KIF20B: variants seen among roughly 807,000 people sequenced by gnomAD.
KIF20B encodes kinesin-like protein KIF20B.
A neutral mutation model predicts 232.5 loss-of-function variants in KIF20B; 188 were observed. The observed-to-expected ratio is 0.81, with a 90% CI of 0.72 to 0.91. The LOEUF (loss-of-function observed/expected upper bound fraction) is 0.91. Ranked by LOEUF, KIF20B falls within the 40% of genes least tolerant of loss-of-function variation. KIF20B has a pLI of 0.00. For synonymous variants in KIF20B, 712 were observed against 683.0 expected (o/e 1.04, Z -0.66); for missense variants, 2,154 against 2,055.9 (o/e 1.05, Z -0.92).
chr10:89,753,676 A>G (rs1303192303), intron 25 of KIF20B, among the ~76,000 whole-genome samples: 16 of 152,120 alleles, frequency 1.1e-4, no homozygotes, highest in Admixed American at 9.2e-4. Context: ...GCTGGAGTGC[A>G]GTGACGTGAT....
At chr10:89,764,821 G>T (rs1299239632) in intron 29 of KIF20B, among the ~76,000 whole-genome samples, 1 of 151,888 alleles carries the variant, frequency 6.6e-6, no homozygotes, top group Non-Finnish European at 1.5e-5. Context: ...AGTAGGTTGC[G>T]AAAATTTTCT....
intron 1 of KIF20B, among the ~76,000 whole-genome samples, chr10:89,704,387 T>TTA (rs1842678650): frequency 6.6e-6 from 1 of 152,196 alleles, no homozygotes; most frequent in Admixed American, 6.5e-5. Flanking sequence ...AGTTTACCTT[T>TTA]TAGTTTAGTG....
chr10:89,737,969 G>A lies in KIF20B; in HGVS notation c.3128G>A (p.Arg1043Gln), dbSNP rs371655633. The stretch of plus-strand genomic sequence containing the variant: ...GTAAGTAAGCAAGTTAAAGAATATC[G>A]AATTCAAGAACCCAATAGGGAAAAT... ...YLVSKQVKEY[R>Q]IQEPNRENSF... The change falls in exon 20 of 33, where the codon CGA (arginine) becomes CAA (glutamine). Residue 1043 changes from arginine to glutamine, a missense_variant. Transcript: ENST00000371728. 3.1e-6 allele frequency: 5 copies of A among 1,612,924 alleles called. No homozygotes were observed. The highest frequency in any genetic ancestry group is 2.2e-5 in the East Asian group (1 of 44,790).
At chr10:89,744,288 C>A (rs1280353030) in intron 22 of KIF20B, among the ~76,000 whole-genome samples, 2 of 152,074 alleles carry the variant, frequency 1.3e-5, no homozygotes, top group African/African-American at 2.4e-5. Flanking sequence ...CTTTGGTATT[C>A]TTTCCCTAAA....
chr10:89,750,832 G>T (rs1842007298), intron 23 of KIF20B, among the ~76,000 whole-genome samples: 2 of 152,116 alleles, frequency 1.3e-5, no homozygotes, highest in South Asian at 4.2e-4. Flanking sequence ...ATTTAAAATA[G>T]AAACAAATAT....
rs1179750971 is a variant in KIF20B, at chr10:89,752,646, C to T, written c.4302C>T (p.Asn1434=). 2 of 1,599,026 alleles carry T rather than the reference C, an allele frequency of 1.3e-6. No homozygotes were observed. The highest frequency in any genetic ancestry group is 4.6e-5 in the East Asian group (2 of 43,642). The change falls in exon 25 of 33, where the codon AAC becomes AAT. Residue 1434 remains asparagine, a synonymous_variant. Coordinates refer to ENST00000371728, the MANE Select transcript of KIF20B (RefSeq NM_001284259.2). Reference sequence around the variant, plus strand: ...GGTCAAATAAAGAACATGAGAACAACACAGATGTGCTTGGAAAGCTCACTA... The same window carrying T: ...GGTCAAATAAAGAACATGAGAACAATACAGATGTGCTTGGAAAGCTCACTA... The part of the protein sequence containing the change: ...NQRSNKEHEN[N]TDVLGKLTNL...
chr10:89,726,364 A>C lies in KIF20B; in HGVS notation c.2073A>C (p.Lys691Asn). The part of the protein sequence containing the change: ...SLQDNVADIK[K>N]QAEIAHLYIA... ...AAGATAATGTTGCTGATATTAAGAA[A>C]CAGGCTGAAATTGCTCACTTATATA... Residue 691 changes from lysine to asparagine, a missense_variant, in exon 16 of 33, where the codon AAA becomes AAC. Physicochemically the swap from Lys to Asn is moderately conservative, Grantham distance 94. Coordinates refer to ENST00000371728, the MANE Select transcript of KIF20B (RefSeq NM_001284259.2). 6.4e-7 allele frequency: 1 copy of C among 1,559,148 alleles called. No homozygotes were observed. Among genetic ancestry groups the C allele is most frequent in the Non-Finnish European group, 8.7e-7 (1 of 1,150,078 alleles).
intron 18 of KIF20B, among the ~76,000 whole-genome samples, chr10:89,732,120 T>TC (rs1373801132): frequency 2.1e-5 from 3 of 144,384 alleles, no homozygotes; most frequent in African/African-American, 8.3e-5. Flanking sequence ...CTCTCTCAGC[T>TC]CCCCCACTTT....
rs780296597 is a variant in KIF20B, at chr10:89,737,965, T to C, written c.3124T>C (p.Tyr1042His). ...DYLVSKQVKEYRIQEPNRENS... is the reference protein window; with the variant it reads ...DYLVSKQVKEHRIQEPNRENS... Reference sequence around the variant, plus strand: ...TTTGGTAAGTAAGCAAGTTAAAGAATATCGAATTCAAGAACCCAATAGGGA... The same window carrying C: ...TTTGGTAAGTAAGCAAGTTAAAGAACATCGAATTCAAGAACCCAATAGGGA... The change falls in exon 20 of 33, where the codon TAT becomes CAT. Residue 1042 changes from tyrosine to histidine, a missense_variant. Transcript: ENST00000371728. 6.2e-7 allele frequency: 1 copy of C among 1,613,150 alleles called. No homozygotes were observed. Among genetic ancestry groups the C allele is most frequent in the East Asian group, 2.2e-5 (1 of 44,810 alleles).
chr10:89,757,040 G>GTGTGTGTGTGTGTATATATATATA (rs1301847520), intron 26 of KIF20B, among the ~76,000 whole-genome samples: 7 of 110,752 alleles, frequency 6.3e-5, no homozygotes, highest in African/African-American at 2.3e-4. Context: ...GTGTGTGTGT[G>GTGTGTGTGTGTGTATATATATATA]TATATATATA....
At chr10:89,733,227 G>A (rs551553600) in intron 19 of KIF20B, 171 bp downstream of exon 19, 5 of 594,896 alleles carry the variant, frequency 8.4e-6, no homozygotes, top group South Asian at 4.3e-5. Flanking sequence ...GATGGGCATA[G>A]TTAAAGCTTT....
intron 23 of KIF20B, among the ~76,000 whole-genome samples, chr10:89,746,943 G>A (rs564981628): frequency 1.2e-4 from 19 of 152,304 alleles, no homozygotes; most frequent in Non-Finnish European, 1.9e-4. Flanking sequence ...TTGATTTCTT[G>A]TAATGGCCAG....
chr10:89,716,708 T>C (rs3740035), intron 9 of KIF20B, among the ~76,000 whole-genome samples, 161 bp downstream of exon 9: 28,138 of 152,168 alleles, frequency 0.18, 3,144 homozygotes, highest in East Asian at 0.35. Context: ...TAAACACGTT[T>C]ATCAATACTG....
At chr10:89,751,553 T>A in intron 24 of KIF20B, 82 bp downstream of exon 24, 1 of 1,299,096 alleles carries the variant, frequency 7.7e-7, no homozygotes, top group Middle Eastern at 1.9e-4. Context: ...CTTGTTAAAG[T>A]AGTACGTATT....
chr10:89,768,792 A>G lies in KIF20B; in HGVS notation c.5146A>G (p.Ile1716Val), dbSNP rs1260281879. 6.2e-7 allele frequency: 1 copy of G among 1,608,350 alleles called. No individual in the cohort carries two copies. The highest frequency in any genetic ancestry group is 1.1e-5 in the South Asian group (1 of 89,662). ...ATATTCTTTACGGAGTCAGGCATCC[A>G]TAATTGGTGTAAACCTGGCCACTAA... ...KTYSLRSQAS[I>V]IGVNLATKKK... Residue 1716 changes from isoleucine to valine, a missense_variant, in exon 31 of 33, where the codon ATA (isoleucine) becomes GTA (valine). Ile to Val is a conservative substitution (Grantham distance 29). Transcript: ENST00000371728.
Position 89,752,601 on chromosome 10 carries a change from G to A in KIF20B, c.4257G>A (p.Leu1419=). Residue 1419 remains leucine, a synonymous_variant, in exon 25 of 33, where the codon TTG becomes TTA. Transcript: ENST00000371728. ...AATGGAAGGAAAAATGCAATGATTT[G>A]GAAACCAAAAACAATCAAAGGTCAA... The part of the protein sequence containing the change: ...LEKWKEKCND[L]ETKNNQRSNK... 1 of 1,602,758 alleles carries A rather than the reference G, an allele frequency of 6.2e-7. No individual in the cohort carries two copies. The highest frequency in any genetic ancestry group is 2.3e-5 in the East Asian group (1 of 44,114).
At chr10:89,733,415 G>A (rs2133120328) in intron 19 of KIF20B, among the ~76,000 whole-genome samples, 1 of 152,016 alleles carries the variant, frequency 6.6e-6, no homozygotes, top group African/African-American at 2.4e-5. Context: ...TTATTCATTT[G>A]GAGAAAAGGA....
At chr10:89,728,945 G>GTGTGTA (rs1443278085) in intron 17 of KIF20B, among the ~76,000 whole-genome samples, 183 bp from the exon 18 acceptor site, 12 of 75,536 alleles carry the variant, frequency 1.6e-4, no homozygotes, top group African/African-American at 8.3e-4. Flanking sequence ...GTGTGTGTGT[G>GTGTGTA]TGTATGTAAT....
rs993205689 is a variant in KIF20B, at chr10:89,716,295, C to T, written c.941-141C>T. On this transcript the variant is annotated intron_variant, in intron 8 of 32. Transcript: ENST00000371728. ...TCTTCTCTGGTGTAACCTGAAATAGCTGAGTTGACTCCAGCTAGGATGTGT... is the reference window on the plus strand; with the variant it reads ...TCTTCTCTGGTGTAACCTGAAATAGTTGAGTTGACTCCAGCTAGGATGTGT... 7.7e-6 allele frequency: 4 copies of T among 517,944 alleles called. No homozygotes were observed. The African/African-American group carries it at 8.0e-5, about 10-fold the overall frequency. The allele number at this position is 517,944 out of a possible 1,614,324, so 32.1% of individuals were successfully genotyped here.
Sources: allele counts gnomAD v4.1 joint callset (sites outside exome capture counted in the v4.1 genomes callset), GRCh38; gene constraint gnomAD v4.1.1; transcripts MANE v1.5; gene names NCBI Gene and HGNC (gene_info 2026-07-23, HGNC 2026-07-21).